The following MAGI2 variants were observed in gnomAD, a reference collection of about 807,000 sequenced individuals.
MAGI2 encodes the protein membrane-associated guanylate kinase, WW and PDZ domain-containing protein 2.
A neutral mutation model predicts 133.3 loss-of-function variants in MAGI2; 35 were observed. The observed-to-expected ratio is 0.26, with a 90% CI of 0.20 to 0.35. MAGI2 has a LOEUF of 0.35. Among genes scored for constraint, MAGI2 ranks in the 10% least tolerant of loss-of-function variants. The pLI is 1.00. For synonymous variants in MAGI2, 729 were observed against 710.6 expected, an observed-to-expected ratio of 1.03 and a Z score of -0.41; for missense variants, 1,636 against 1,863.4, an observed-to-expected ratio of 0.88 and a Z score of 2.25.
chr7:79,338,577 T>C (rs1368865986), intron 1 of MAGI2, among the ~76,000 whole-genome samples: 2 of 152,118 alleles, frequency 1.3e-5, no homozygotes, highest in Non-Finnish European at 2.9e-5. Context: ...AGAGTCTCTC[T>C]GGATGAGCTT....
chr7:78,254,138 C>T (rs574369545), intron 10 of MAGI2: 1 of 152,048 alleles, frequency 6.6e-6, no homozygotes, highest in Non-Finnish European at 1.5e-5. Context: ...AAATGGGGGG[C>T]AAAGGAAAAG....
intron 1 of MAGI2, among the ~76,000 whole-genome samples, chr7:79,438,327 C>A (rs1021482936): frequency 6.6e-6 from 1 of 152,008 alleles, no homozygotes; most frequent in Non-Finnish European, 1.5e-5. Context: ...ATAAAATAGG[C>A]CATTTCTAAC....
intron 10 of MAGI2, among the ~76,000 whole-genome samples, chr7:78,214,708 T>TC (rs2150816635): frequency 1.3e-5 from 2 of 152,318 alleles, no homozygotes; most frequent in South Asian, 4.1e-4. Flanking sequence ...GACTATGGCT[T>TC]CCCTGATTAA....
At chr7:79,069,964 C>G (rs1814790698) in intron 1 of MAGI2, among the ~76,000 whole-genome samples, 3 of 152,168 alleles carry the variant, frequency 2.0e-5, no homozygotes, top group Admixed American at 2.0e-4. Flanking sequence ...GGGTTTCTGA[C>G]AAGAGATCTG....
rs987001376 is a variant in MAGI2, at chr7:78,744,226, AC to A, written c.419-116988del. ...TTTATGAATGAGTCAAATTTTTTCC[AC>A]GCTAATTTTATAAAGAAAAAATAGT... On this transcript the variant is annotated intron_variant, in intron 2 of 21. Transcript: ENST00000354212. 2.0e-5 allele frequency among the ~76,000 whole-genome samples: 3 copies of A among 152,128 alleles called. No individual in the cohort carries two copies. In the East Asian group the frequency reaches 5.8e-4, roughly 29 times the overall value.
chr7:78,192,887 C>A (rs2150732492), intron 12 of MAGI2, among the ~76,000 whole-genome samples: 1 of 152,094 alleles, frequency 6.6e-6, no homozygotes, highest in South Asian at 2.1e-4. Flanking sequence ...GATGAGGGGC[C>A]CACGGTGGGG....
At chr7:78,068,369 A>G (rs1324626484) in intron 21 of MAGI2, among the ~76,000 whole-genome samples, 1 of 152,170 alleles carries the variant, frequency 6.6e-6, no homozygotes, top group Non-Finnish European at 1.5e-5. Flanking sequence ...CAGGATCTGC[A>G]GCCCAGGGGT....
chr7:79,442,940 T>TG (rs1461071246), intron 1 of MAGI2, among the ~76,000 whole-genome samples: 1 of 149,286 alleles, frequency 6.7e-6, no homozygotes, highest in African/African-American at 2.5e-5. Context: ...TCATAGACTG[T>TG]GAAAAAAAAA....
chr7:78,952,931 C>T (rs1049026948), intron 2 of MAGI2, among the ~76,000 whole-genome samples: 1 of 152,054 alleles, frequency 6.6e-6, no homozygotes, highest in Non-Finnish European at 1.5e-5. Context: ...AAATATTTGG[C>T]AACAAATGTT....
chr7:78,134,274 G>A (rs1821867400), intron 17 of MAGI2: 1 of 152,212 alleles, frequency 6.6e-6, no homozygotes, highest in Admixed American at 6.5e-5. Flanking sequence ...TAAAACAGAG[G>A]GTACCAAGTT....
rs748757208 is a variant in MAGI2 at position 78,542,279 on chromosome 7, C to T, written c.539-20634G>A. 2.7e-4 allele frequency among the ~76,000 whole-genome samples: 41 copies of T among 152,224 alleles called. 1 individual carries two copies. Among genetic ancestry groups the T allele is most frequent in the Non-Finnish European group, 4.9e-4 (33 of 68,012 alleles). ...TCCAACCCCCAGTCTATGTAATAAT[C>T]AATTACATTGAGGTTGATTTTTAAA... On this transcript the variant is annotated intron_variant, in intron 3 of 21. Coordinates refer to ENST00000354212, the MANE Select transcript of MAGI2 (RefSeq NM_012301.4).
chr7:78,810,011 AAATAT>A, intron 2 of MAGI2, among the ~76,000 whole-genome samples: 1 of 152,194 alleles, frequency 6.6e-6, no homozygotes, highest in Non-Finnish European at 1.5e-5. Context: ...ATTACTAAAA[AAATAT>A]AATTATGTAG....
chr7:78,862,643 A>C (rs571457880), intron 2 of MAGI2, among the ~76,000 whole-genome samples: 2 of 152,174 alleles, frequency 1.3e-5, no homozygotes, highest in African/African-American at 4.8e-5. Context: ...TCTCTCAAGC[A>C]TAGAGTTAAT....
intron 1 of MAGI2, among the ~76,000 whole-genome samples, chr7:79,416,604 G>A (rs1377203365): frequency 6.6e-6 from 1 of 151,934 alleles, no homozygotes; most frequent in Non-Finnish European, 1.5e-5. Context: ...AAGTACTCTA[G>A]AGATCAGAGA....
chr7:78,388,352 C>T (rs1795598249), intron 6 of MAGI2, among the ~76,000 whole-genome samples: 1 of 152,032 alleles, frequency 6.6e-6, no homozygotes, highest in Non-Finnish European at 1.5e-5. Context: ...AATAGTAGGA[C>T]TTGATGGAAT....
chr7:78,660,973 T>C (rs1283494278), intron 2 of MAGI2, among the ~76,000 whole-genome samples: 1 of 152,188 alleles, frequency 6.6e-6, no homozygotes, highest in African/African-American at 2.4e-5. Flanking sequence ...GAATCTTGTT[T>C]CTTGAGACTC....
intron 1 of MAGI2, among the ~76,000 whole-genome samples, chr7:79,118,235 T>G (rs1819574184): frequency 2.0e-5 from 3 of 152,340 alleles, no homozygotes; most frequent in South Asian, 4.1e-4. Flanking sequence ...AGAACTCCTT[T>G]GCACTTGCAA....
Position 78,019,529 on chromosome 7 carries a change from G to T in MAGI2, c.4154C>A (p.Ala1385Asp), listed in dbSNP as rs1808090931. ...GCCCGGGCCGGCAAACGCCGGCGCA[G>T]CCCCCGGGCCTTCGCGCCGGCAGAG... ...SELCRREGPG[A>D]APAFAGPGGG... The change falls in exon 22 of 22, where the codon GCT becomes GAT. Residue 1385 changes from alanine (A) to aspartate (D), a missense_variant. Around this residue, in one of 5 missense-constraint regions of MAGI2, gnomAD observed 354 missense variants for 298.7 expected, o/e 1.19. Transcript: ENST00000354212. 2.0e-6 allele frequency: 2 copies of T among 979,836 alleles called. No individual in the cohort carries two copies. The highest frequency in any genetic ancestry group is 5.2e-4 in the Middle Eastern group (1 of 1,908). The allele number at this position is 979,836 out of a possible 1,614,324, so 60.7% of individuals were successfully genotyped here. A position where few individuals can be genotyped will look rare whatever the true frequency, so the allele number is the denominator to read the frequency against.
At chr7:78,232,829 A>G (rs923203087) in intron 10 of MAGI2, among the ~76,000 whole-genome samples, 1 of 152,230 alleles carries the variant, frequency 6.6e-6, no homozygotes, top group African/African-American at 2.4e-5. Flanking sequence ...TAAGATAGGA[A>G]GAAATACTTT....
Sources: allele counts gnomAD v4.1 joint callset (sites outside exome capture counted in the v4.1 genomes callset), GRCh38; gene constraint gnomAD v4.1.1; regional missense constraint gnomAD v4.1.1; transcripts MANE v1.5; gene names NCBI Gene and HGNC (gene_info 2026-07-23, HGNC 2026-07-21).